Variants in ELOVL6 observed in about 807,000 individuals in gnomAD.
ELOVL6 encodes the protein very long chain fatty acid elongase 6.
In ELOVL6, 8 loss-of-function variants were observed where a neutral mutation model predicts 31.7. The ratio of observed to expected loss-of-function variants is 0.25; its 90% CI spans 0.15 to 0.45. The LOEUF is 0.45. ELOVL6 is among the 20% of genes least tolerant of loss of function. The pLI, the probability that ELOVL6 is intolerant of heterozygous loss-of-function variation, is 1.00. For missense variants in ELOVL6, 126 were observed against 326.4 expected, an observed-to-expected ratio of 0.39 and a Z score of 4.73; for synonymous variants, 101 against 117.7, an observed-to-expected ratio of 0.86 and a Z score of 0.92.
chr4:110,196,148 C>T (rs1342690812), intron 1 of ELOVL6, among the ~76,000 whole-genome samples: 1 of 152,112 alleles, frequency 6.6e-6, no homozygotes, highest in Admixed American at 6.5e-5. Context: ...GAGGCAGTAT[C>T]GACTGCAGTG....
At chr4:110,135,864 TTAATG>T (rs561229935) in intron 1 of ELOVL6, among the ~76,000 whole-genome samples, 2 of 152,220 alleles carry the variant, frequency 1.3e-5, no homozygotes, top group Admixed American at 6.5e-5. Flanking sequence ...TGATCACAAT[TTAATG>T]TAAGGCTTGG....
At chr4:110,105,696 T>C (rs1756867885) in intron 1 of ELOVL6, 68 bp from the exon 2 acceptor site, 1 of 1,455,682 alleles carries the variant, frequency 6.9e-7, no homozygotes, top group African/African-American at 1.4e-5. Flanking sequence ...TTTGTACCAG[T>C]TCTCCTCTTT....
At chr4:110,123,252 T>A (rs1218841345) in intron 1 of ELOVL6, among the ~76,000 whole-genome samples, 2 of 152,196 alleles carry the variant, frequency 1.3e-5, no homozygotes, top group Middle Eastern at 3.2e-3. Context: ...TTATTTTAAA[T>A]CTAAACAGTA....
chr4:110,173,729 C>T (rs1759021211), intron 1 of ELOVL6, among the ~76,000 whole-genome samples: 1 of 150,544 alleles, frequency 6.6e-6, no homozygotes. Context: ...CTGATTGGTC[C>T]TACTGCTAGA....
At chr4:110,120,246 T>C (rs1287739634) in intron 1 of ELOVL6, among the ~76,000 whole-genome samples, 1 of 152,072 alleles carries the variant, frequency 6.6e-6, no homozygotes, top group Non-Finnish European at 1.5e-5. Context: ...TTTTCTACTT[T>C]GCTTGTTTGT....
At chr4:110,102,695 G>A (rs1282256201) in intron 2 of ELOVL6, among the ~76,000 whole-genome samples, 2 of 151,522 alleles carry the variant, frequency 1.3e-5, no homozygotes, top group Admixed American at 6.6e-5. Context: ...GATTATATAT[G>A]TATATTTTAC....
intron 1 of ELOVL6, among the ~76,000 whole-genome samples, chr4:110,112,973 C>T (rs1757076120): frequency 6.6e-6 from 1 of 152,074 alleles, no homozygotes; most frequent in Admixed American, 6.5e-5. Flanking sequence ...GCCTGTAATC[C>T]CAGCACTTCG....
chr4:110,153,214 A>G (rs768522505), intron 1 of ELOVL6, among the ~76,000 whole-genome samples: 6 of 152,238 alleles, frequency 3.9e-5, no homozygotes, highest in Non-Finnish European at 5.9e-5. Context: ...AGATTTAATA[A>G]TAATAGTGAA....
At chr4:110,081,240 C>T (rs1205590173) in intron 2 of ELOVL6, among the ~76,000 whole-genome samples, 1 of 152,052 alleles carries the variant, frequency 6.6e-6, no homozygotes, top group Admixed American at 6.6e-5. Context: ...TGGAAAAAAC[C>T]ACTTTAAAGT....
intron 1 of ELOVL6, among the ~76,000 whole-genome samples, chr4:110,127,420 A>AAAAAAAG (rs1560834931): frequency 6.6e-6 from 1 of 150,646 alleles, no homozygotes; most frequent in Admixed American, 6.6e-5. Flanking sequence ...AAAAAAAAAA[A>AAAAAAAG]AAAAAGAAAA....
At chr4:110,173,173 A>G (rs1759003933) in intron 1 of ELOVL6, among the ~76,000 whole-genome samples, 1 of 152,184 alleles carries the variant, frequency 6.6e-6, no homozygotes, top group Admixed American at 6.5e-5. Flanking sequence ...CAGACAGAAC[A>G]AATTATTGGG....
intron 2 of ELOVL6, among the ~76,000 whole-genome samples, chr4:110,077,293 C>T (rs1306537291): frequency 6.6e-6 from 1 of 152,220 alleles, no homozygotes; most frequent in Non-Finnish European, 1.5e-5. Flanking sequence ...ACTGTCTCCT[C>T]AAGTGGGTCC....
intron 2 of ELOVL6, among the ~76,000 whole-genome samples, chr4:110,075,594 G>A (rs72898551): frequency 0.052 from 7,859 of 152,252 alleles, 236 homozygotes; most frequent in Middle Eastern, 0.13. Context: ...AATGGTGGTT[G>A]TTGGGTTAGG....
chr4:110,084,426 C>CATATCATATATGATATATCACATATATG, intron 2 of ELOVL6, among the ~76,000 whole-genome samples: 1 of 67,498 alleles, frequency 1.5e-5, no homozygotes, highest in Non-Finnish European at 2.9e-5. Context: ...TGATATATCA[C>CATATCATATATGATATATCACATATATG]ATATATCATA....
At chr4:110,189,738 G>A (rs1300811540) in intron 1 of ELOVL6, among the ~76,000 whole-genome samples, 2 of 151,974 alleles carry the variant, frequency 1.3e-5, no homozygotes, top group Non-Finnish European at 2.9e-5. Flanking sequence ...GGAGGCCGAG[G>A]TGGGCAGATC....
rs148297494 is a variant in ELOVL6, at chr4:110,110,319, A to G, written c.90-4691T>C. ...TTCTTGAAGTCCTATCCAGGGCTTA[A>G]TTCTGCCACATTCTTAAGGATTCTG... On this transcript the variant is annotated intron_variant, in intron 1 of 3. Transcript: ENST00000302274. Among the ~76,000 whole-genome samples, 10 of 152,086 alleles carry G rather than the reference A, an allele frequency of 6.6e-5. No homozygotes were observed. In the East Asian group the frequency reaches 1.9e-3, roughly 29 times the overall value.
chr4:110,079,057 G>C (rs930520440), intron 2 of ELOVL6, among the ~76,000 whole-genome samples: 3 of 152,148 alleles, frequency 2.0e-5, no homozygotes, highest in African/African-American at 4.8e-5. Flanking sequence ...AAATATATAT[G>C]CACTCAATAC....
intron 2 of ELOVL6, among the ~76,000 whole-genome samples, chr4:110,068,912 G>T (rs993766977): frequency 6.6e-6 from 1 of 152,122 alleles, no homozygotes; most frequent in East Asian, 1.9e-4. Flanking sequence ...GAAGACCCAG[G>T]CAGGAGGATT....
intron 2 of ELOVL6, among the ~76,000 whole-genome samples, chr4:110,071,999 G>A (rs963196756): frequency 3.3e-5 from 5 of 152,188 alleles, no homozygotes; most frequent in Non-Finnish European, 7.3e-5. Flanking sequence ...TCCTTTGTAT[G>A]AGAAATACAG....
Sources: allele counts gnomAD v4.1 joint callset (sites outside exome capture counted in the v4.1 genomes callset), GRCh38; gene constraint gnomAD v4.1.1; transcripts MANE v1.5; gene names NCBI Gene and HGNC (gene_info 2026-07-23, HGNC 2026-07-21).